Variants in BTBD7 observed in about 807,000 individuals in gnomAD.
BTBD7 encodes BTB domain containing 7.
Under a neutral mutation model 99.9 loss-of-function variants are expected in BTBD7, and 38 were observed. The ratio of observed to expected loss-of-function variants is 0.38; its 90% CI spans 0.29 to 0.50. The LOEUF is 0.50. Ranked by LOEUF, BTBD7 falls within the 20% of genes least tolerant of loss-of-function variation. The probability of loss-of-function intolerance (pLI) is 0.93; values close to 1 mark genes in which losing one functional copy is unlikely to be tolerated. For synonymous variants in BTBD7, 520 were observed against 511.4 expected (o/e 1.02, Z -0.23); for missense variants, 1,170 against 1,394.6 (o/e 0.84, Z 2.57).
intron 1 of BTBD7, among the ~76,000 whole-genome samples, chr14:93,298,148 G>C (rs1488593796): frequency 1.3e-5 from 2 of 152,160 alleles, no homozygotes; most frequent in Non-Finnish European, 2.9e-5. Flanking sequence ...ATAGAGCCTT[G>C]CCTCCGGATG....
In BTBD7 at chr14:93,246,189, G is replaced by A. The variant is rs1406002161; in HGVS notation, c.2219C>T (p.Pro740Leu). 3 of 1,613,390 alleles carry A rather than the reference G, an allele frequency of 1.9e-6. No homozygotes were observed. Among genetic ancestry groups the A allele is most frequent in the South Asian group, 2.2e-5 (2 of 90,988 alleles). Reference sequence around the variant, plus strand: ...CAGATCTGTAAACATGGTTTCTGCAGGAGGTGTACTGTTTACGCGACATCT... The same window carrying A: ...CAGATCTGTAAACATGGTTTCTGCAAGAGGTGTACTGTTTACGCGACATCT... ...PGRCRVNSTP[P>L]AETMFTDLDS... Residue 740 changes from proline to leucine, a missense_variant, in exon 10 of 11, where the codon CCT (proline) becomes CTT (leucine). By Grantham distance (98) the Pro-to-Leu change is moderately conservative (BLOSUM62 -3). Around this residue, in one of 4 missense-constraint regions of BTBD7, gnomAD observed 495 missense variants for 525.9 expected, o/e 0.94. Coordinates refer to ENST00000334746, the MANE Select transcript of BTBD7 (RefSeq NM_001002860.4).
chr14:93,309,322 G>A (rs1425212519), intron 1 of BTBD7, among the ~76,000 whole-genome samples: 1 of 151,706 alleles, frequency 6.6e-6, no homozygotes, highest in Non-Finnish European at 1.5e-5. Context: ...TGGGCCAGGT[G>A]CAGTAGCTCA....
intron 1 of BTBD7, among the ~76,000 whole-genome samples, chr14:93,327,485 T>G (rs1043816028): frequency 6.6e-6 from 1 of 152,334 alleles, no homozygotes; most frequent in Admixed American, 6.5e-5. Context: ...ATCAACTTCA[T>G]GATAATATAT....
chr14:93,275,528 C>T (rs1341308855), intron 3 of BTBD7, among the ~76,000 whole-genome samples: 1 of 152,164 alleles, frequency 6.6e-6, no homozygotes, highest in East Asian at 1.9e-4. Context: ...CTTAAAGTTG[C>T]TTAACAGTGG....
At chr14:93,260,480 C>T (rs187750465) in intron 5 of BTBD7, among the ~76,000 whole-genome samples, 157 of 152,264 alleles carry the variant, frequency 1.0e-3, no homozygotes, top group Middle Eastern at 3.4e-3. Flanking sequence ...TATGATGCTT[C>T]CTTCTCTTCT....
At chr14:93,276,493 A>G (rs1467402404) in intron 3 of BTBD7, among the ~76,000 whole-genome samples, 2 of 152,106 alleles carry the variant, frequency 1.3e-5, no homozygotes, top group East Asian at 3.9e-4. Flanking sequence ...TGAATGTATT[A>G]CCTATTAAAA....
chr14:93,283,032 T>C (rs1207424518), intron 3 of BTBD7, among the ~76,000 whole-genome samples: 1 of 152,242 alleles, frequency 6.6e-6, no homozygotes, highest in Admixed American at 6.5e-5. Flanking sequence ...AGAAAAGGTT[T>C]TGCTTGCTGA....
chr14:93,308,563 A>C (rs938537302), intron 1 of BTBD7, among the ~76,000 whole-genome samples: 1 of 152,252 alleles, frequency 6.6e-6, no homozygotes, highest in Non-Finnish European at 1.5e-5. Flanking sequence ...CCACGTTCAT[A>C]GCAAAATTAT....
intron 3 of BTBD7, among the ~76,000 whole-genome samples, chr14:93,282,316 A>G (rs951196701): frequency 4.6e-5 from 7 of 151,588 alleles, no homozygotes; most frequent in African/African-American, 1.5e-4. Flanking sequence ...GTTTTAGGAG[A>G]TAAGAGCAAT....
chr14:93,276,361 T>G (rs899588716), intron 3 of BTBD7, among the ~76,000 whole-genome samples: 3 of 152,194 alleles, frequency 2.0e-5, no homozygotes, highest in Admixed American at 6.5e-5. Context: ...ATTATCTATC[T>G]GGAAGGGTAC....
Position 93,331,887 on chromosome 14 carries a change from C to CCA in BTBD7, c.-107+932_-107+933insTG, listed in dbSNP as rs1555394564. ...CAGAGCGAGACTCCGTCTCCCCCCC[C>CCA]CCAAAAAGGTTGTTAGTTGAAAAAG... On this transcript the variant is annotated intron_variant, in intron 1 of 10. Transcript: ENST00000334746. Among the ~76,000 whole-genome samples the CCA allele has an allele frequency of 9.5e-5, 14 of 147,834 alleles. No homozygotes were observed. In the East Asian group the frequency reaches 2.6e-3, roughly 27 times the overall value.
intron 1 of BTBD7, among the ~76,000 whole-genome samples, chr14:93,331,884 C>A (rs78706197): frequency 0.017 from 2,448 of 146,978 alleles, 61 homozygotes; most frequent in Middle Eastern, 0.031. Context: ...CCGTCTCCCC[C>A]CCCCCAAAAA....
intron 1 of BTBD7, 149 bp downstream of exon 1, chr14:93,332,671 C>G (rs2053460497): frequency 8.3e-7 from 1 of 1,209,406 alleles, no homozygotes; most frequent in Non-Finnish European, 1.1e-6. Context: ...GGCCCCTCCC[C>G]GCCCGGCGCC....
intron 3 of BTBD7, among the ~76,000 whole-genome samples, chr14:93,269,157 A>G (rs1300279675): frequency 6.6e-6 from 1 of 152,218 alleles, no homozygotes; most frequent in Non-Finnish European, 1.5e-5. Flanking sequence ...AAACATGGTG[A>G]TATTAACTCA....
chr14:93,268,078 C>T (rs1056755595), intron 3 of BTBD7, among the ~76,000 whole-genome samples: 1 of 152,222 alleles, frequency 6.6e-6, no homozygotes. Context: ...AGACTCTACA[C>T]CCGTCATACT....
chr14:93,269,302 A>G (rs547857468), intron 3 of BTBD7, among the ~76,000 whole-genome samples: 1 of 152,242 alleles, frequency 6.6e-6, no homozygotes, highest in African/African-American at 2.4e-5. Context: ...CAAGGTTATC[A>G]ATATTGGAAT....
At chr14:93,265,154 G>A (rs200842135) in intron 3 of BTBD7, among the ~76,000 whole-genome samples, 1 of 152,132 alleles carries the variant, frequency 6.6e-6, no homozygotes, top group African/African-American at 2.4e-5. Context: ...CAGAAAGGGC[G>A]TAAATAAACT....
chr14:93,276,693 G>A (rs2139731488), intron 3 of BTBD7, among the ~76,000 whole-genome samples: 1 of 152,188 alleles, frequency 6.6e-6, no homozygotes, highest in South Asian at 2.1e-4. Context: ...CTGCATGTGT[G>A]TGAAAAGGTA....
At chr14:93,263,725 T>C in intron 4 of BTBD7, 60 bp downstream of exon 4, 2 of 1,482,510 alleles carry the variant, frequency 1.3e-6, no homozygotes, top group Non-Finnish European at 1.9e-6. Context: ...TAATAGAGCA[T>C]AGATGGGTTT....
Sources: allele counts gnomAD v4.1 joint callset (sites outside exome capture counted in the v4.1 genomes callset), GRCh38; gene constraint gnomAD v4.1.1; regional missense constraint gnomAD v4.1.1; transcripts MANE v1.5; gene names NCBI Gene and HGNC (gene_info 2026-07-23, HGNC 2026-07-21).